The following OPRM1 variants were observed in gnomAD, a reference collection of about 807,000 sequenced individuals.
OPRM1 encodes mu-type opioid receptor.
Under a neutral mutation model 31.8 loss-of-function variants are expected in OPRM1, and 27 were observed. The ratio of observed to expected loss-of-function variants is 0.85; its 90% CI spans 0.63 to 1.17. The LOEUF (loss-of-function observed/expected upper bound fraction) is 1.17, where lower values mean the gene tolerates loss of function less well. Ranked by LOEUF, OPRM1 falls within the 50% of genes most tolerant of loss-of-function variation. The pLI is 0.00. For missense variants in OPRM1, 536 were observed against 511.1 expected (o/e 1.05, Z -0.47); for synonymous variants, 196 against 189.9 (o/e 1.03, Z -0.26).
At chr6:154,099,284 A>AAGGAAGGAAGGAAGGAAGG (rs1793951838) in intron 3 of OPRM1, among the ~76,000 whole-genome samples, 1 of 45,074 alleles carries the variant, frequency 2.2e-5, no homozygotes, top group Non-Finnish European at 5.3e-5. Flanking sequence ...GAGTCTGTCG[A>AAGGAAGGAAGGAAGGAAGG]AAGGAAGGAA....
intron 3 of OPRM1, among the ~76,000 whole-genome samples, chr6:154,208,526 A>T (rs1777693108): frequency 1.3e-5 from 2 of 152,120 alleles, no homozygotes; most frequent in Admixed American, 1.3e-4. Context: ...GTCTCCCTCA[A>T]CTAGAGGTTT....
chr6:154,030,782 A>G (rs1166042353), intron 1 of OPRM1, among the ~76,000 whole-genome samples: 1 of 152,298 alleles, frequency 6.6e-6, no homozygotes. Context: ...GTTCTATATC[A>G]ATTTTGGCAA....
rs676370 is a variant in OPRM1, at chr6:154,126,886, C to T, written c.*8165C>T. 0.2 allele frequency among the ~76,000 whole-genome samples: 30,254 copies of T among 151,930 alleles called. 3,291 individuals carry two copies. Among genetic ancestry groups the T allele is most frequent in the Non-Finnish European group, 0.25 (17,044 of 67,960 alleles). On this transcript the variant is annotated 3_prime_UTR_variant, in exon 4 of 4. Coordinates refer to ENST00000330432, the MANE Select transcript of OPRM1 (RefSeq NM_000914.5). ...CAGCACTTTGGGAGGCCGAGGCGGG[C>T]GGAACACAAGGTCAGGAGATCAAGA...
rs556454877 is a variant in OPRM1, at chr6:154,197,308, C to T, written c.1165-49385C>T. ...AAATGCACAATATGAAATTTGATTA[C>T]TCAACAGCAAGTCATCACAAATGCA... is the stretch of plus-strand genomic sequence containing the variant. On this transcript the variant is annotated intron_variant, in intron 3 of 3. Coordinates refer to the OPRM1 transcript ENST00000337049. Among the ~76,000 whole-genome samples, 11 of 152,232 alleles carry T rather than the reference C, an allele frequency of 7.2e-5. No individual in the cohort carries two copies. The East Asian group carries it at 1.5e-3, about 21-fold the overall frequency.
intron 3 of OPRM1, among the ~76,000 whole-genome samples, chr6:154,180,415 T>C (rs1583722683): frequency 3.4e-5 from 1 of 29,352 alleles, no homozygotes; most frequent in Admixed American, 2.5e-4. Context: ...TATATATATA[T>C]TTTTTTTTTA....
chr6:154,141,256 C>A (rs566842910), intron 3 of OPRM1, among the ~76,000 whole-genome samples: 3 of 152,186 alleles, frequency 2.0e-5, no homozygotes, highest in Non-Finnish European at 2.9e-5. Flanking sequence ...ATAAATCACC[C>A]GCTTATCCCA....
intron 3 of OPRM1, among the ~76,000 whole-genome samples, chr6:154,207,185 C>T (rs971792690): frequency 6.6e-6 from 1 of 152,154 alleles, no homozygotes; most frequent in Non-Finnish European, 1.5e-5. Context: ...TGGGGGAGAG[C>T]CACCGGGCTG....
chr6:154,228,319 A>C (rs904713988), intron 3 of OPRM1, among the ~76,000 whole-genome samples: 8 of 144,192 alleles, frequency 5.5e-5, no homozygotes, highest in African/African-American at 1.6e-4. Context: ...AAAAAAAAAA[A>C]GTTTCCTCCA....
chr6:154,172,347 T>C lies in OPRM1; in HGVS notation c.1165-74346T>C, dbSNP rs182179953. On this transcript the variant is annotated intron_variant, in intron 3 of 3. Coordinates refer to the OPRM1 transcript ENST00000337049. ...AAGCAGGGCTGGGTGTCACCTCACC[T>C]GGGAAACACAAGGGGTCGGGGGATT... is the stretch of plus-strand genomic sequence containing the variant. Among the ~76,000 whole-genome samples the C allele has an allele frequency of 4.5e-3, 690 of 152,292 alleles. 8 individuals are homozygous for C. The highest frequency in any genetic ancestry group is 0.016 in the African/African-American group (664 of 41,552).
intron 3 of OPRM1, among the ~76,000 whole-genome samples, chr6:154,152,274 AAAAGG>A (rs1384138680): frequency 1.5e-5 from 2 of 135,330 alleles, no homozygotes; most frequent in Admixed American, 1.4e-4. Flanking sequence ...AAAGAAAAAG[AAAAGG>A]AAAGAAAAGG....
chr6:154,117,099 T>C (rs947622438), intron 3 of OPRM1, among the ~76,000 whole-genome samples: 2 of 152,318 alleles, frequency 1.3e-5, no homozygotes, highest in South Asian at 2.1e-4. Context: ...TCAACTCTTG[T>C]TCATCAACAG....
chr6:154,061,666 T>TGC (rs942125805), intron 1 of OPRM1, among the ~76,000 whole-genome samples: 16 of 151,970 alleles, frequency 1.1e-4, no homozygotes, highest in African/African-American at 3.6e-4. Flanking sequence ...GGGGCTTACT[T>TGC]GAGGGTGGAA....
chr6:154,214,241 T>C, intron 3 of OPRM1: 1 of 1,610,904 alleles, frequency 6.2e-7, no homozygotes, highest in Non-Finnish European at 8.5e-7. Flanking sequence ...AGTGGATTCC[T>C]GATGGATTAC....
chr6:154,159,385 C>T (rs139261756), intron 3 of OPRM1: 56 of 175,432 alleles, frequency 3.2e-4, no homozygotes, highest in Admixed American at 5.1e-4. Context: ...CATTCCTCCA[C>T]TCAAACAGTG....
At chr6:154,192,444 A>G (rs144161113) in intron 3 of OPRM1, among the ~76,000 whole-genome samples, 415 of 152,262 alleles carry the variant, frequency 2.7e-3, no homozygotes, top group African/African-American at 9.6e-3. Flanking sequence ...AACAATTTCC[A>G]TGAAACAGAA....
intron 3 of OPRM1, among the ~76,000 whole-genome samples, chr6:154,185,590 T>C (rs1275961794): frequency 6.6e-6 from 1 of 152,202 alleles, no homozygotes; most frequent in Non-Finnish European, 1.5e-5. Context: ...ACACAAAATA[T>C]GCCATATGCT....
chr6:154,145,718 G>T (rs1486440473), intron 3 of OPRM1, among the ~76,000 whole-genome samples: 1 of 152,236 alleles, frequency 6.6e-6, no homozygotes, highest in Non-Finnish European at 1.5e-5. Context: ...GCAGCAGTCT[G>T]CCCTATTTCG....
chr6:154,194,997 G>A (rs376781766), intron 3 of OPRM1, among the ~76,000 whole-genome samples: 3 of 152,006 alleles, frequency 2.0e-5, no homozygotes, highest in African/African-American at 7.2e-5. Flanking sequence ...CACCCTGATA[G>A]GCATGCTGCA....
At chr6:154,186,293 T>TAATA (rs1801335945) in intron 3 of OPRM1, among the ~76,000 whole-genome samples, 1 of 152,280 alleles carries the variant, frequency 6.6e-6, no homozygotes, top group African/African-American at 2.4e-5. Flanking sequence ...ACAACTCTAT[T>TAATA]ATTTTAGTCA....
Sources: gnomAD v4.1 joint callset for allele counts (sites outside exome capture counted in the v4.1 genomes callset) on GRCh38, gnomAD v4.1.1 for gene constraint, MANE v1.5 for transcripts, NCBI Gene and HGNC (gene_info 2026-07-23, HGNC 2026-07-21) for gene names.